The following SBF2 variants were observed in gnomAD, a reference collection of about 807,000 sequenced individuals.
SBF2 encodes SET binding factor 2, also known as myotubularin-related protein 13.
Under a neutral mutation model 225.2 loss-of-function variants are expected in SBF2, and 112 were observed. The ratio of observed to expected loss-of-function variants is 0.50; its 90% CI spans 0.43 to 0.58. SBF2 has a LOEUF of 0.58. Among genes scored for constraint, SBF2 ranks in the 20% least tolerant of loss-of-function variants. The pLI, the probability that SBF2 is intolerant of heterozygous loss-of-function variation, is 0.00. For synonymous variants in SBF2, 763 were observed against 773.3 expected (o/e 0.99, Z 0.22); for missense variants, 1,996 against 2,206.2 (o/e 0.90, Z 1.91).
chr11:9,956,477 G>C (rs1158676795), intron 16 of SBF2: 12 of 151,490 alleles, frequency 7.9e-5, no homozygotes, highest in African/African-American at 2.9e-4. Flanking sequence ...AGTGTAAAAG[G>C]CTCTGCTTAT....
intron 16 of SBF2, among the ~76,000 whole-genome samples, chr11:9,954,548 C>T (rs1214291234): frequency 6.6e-6 from 1 of 152,166 alleles, no homozygotes; most frequent in African/African-American, 2.4e-5. Context: ...ACAGCATGTG[C>T]TTGATGAAGC....
At chr11:9,824,082 G>A (rs1039622619) in intron 28 of SBF2, among the ~76,000 whole-genome samples, 4 of 152,184 alleles carry the variant, frequency 2.6e-5, no homozygotes, top group African/African-American at 9.7e-5. Flanking sequence ...CCTCAGATAT[G>A]CACATAGTGG....
chr11:10,010,745 T>C (rs1948417673), intron 6 of SBF2, among the ~76,000 whole-genome samples: 1 of 152,206 alleles, frequency 6.6e-6, no homozygotes, highest in Non-Finnish European at 1.5e-5. Context: ...TCATTTGAAA[T>C]TTAAAGTAGT....
At chr11:9,867,108 A>C (rs1858288406) in intron 17 of SBF2, among the ~76,000 whole-genome samples, 1 of 152,196 alleles carries the variant, frequency 6.6e-6, no homozygotes, top group South Asian at 2.1e-4. Flanking sequence ...TTGTACATTT[A>C]AAAATAACTA....
intron 13 of SBF2, among the ~76,000 whole-genome samples, chr11:9,982,129 A>G (rs573183067): frequency 4.5e-4 from 69 of 152,208 alleles, no homozygotes; most frequent in Middle Eastern, 3.4e-3. Flanking sequence ...GAATATTTTC[A>G]TCCTTGTGTT....
intron 3 of SBF2, among the ~76,000 whole-genome samples, chr11:10,038,478 C>T (rs1949530400): frequency 6.6e-6 from 1 of 151,898 alleles, no homozygotes; most frequent in South Asian, 2.1e-4. Context: ...TAGGTGTTAG[C>T]TCTTATTAAA....
At chr11:9,969,004 T>C (rs1867150294) in intron 13 of SBF2, among the ~76,000 whole-genome samples, 2 of 149,984 alleles carry the variant, frequency 1.3e-5, no homozygotes, top group Admixed American at 1.3e-4. Context: ...TAACTCTCTA[T>C]ACAATATTTT....
At chr11:10,133,340 T>C (rs56203621) in intron 2 of SBF2, among the ~76,000 whole-genome samples, 8,509 of 149,024 alleles carry the variant, frequency 0.057, 662 homozygotes, top group Middle Eastern at 0.15. Flanking sequence ...TGGGACTGGG[T>C]GCCGTGGAGC....
chr11:10,097,688 C>A (rs557707158), intron 2 of SBF2, among the ~76,000 whole-genome samples: 1 of 151,992 alleles, frequency 6.6e-6, no homozygotes, highest in Non-Finnish European at 1.5e-5. Flanking sequence ...ATGGCCAACA[C>A]CCCAGTAGAA....
chr11:10,222,992 C>T (rs979367219), intron 1 of SBF2, among the ~76,000 whole-genome samples: 4 of 152,014 alleles, frequency 2.6e-5, no homozygotes, highest in South Asian at 4.2e-4. Context: ...GACGTTTTAT[C>T]GGTAGATCTC....
rs556170612 is a variant in SBF2, at chr11:9,794,548, C to T, written c.4570+1283G>A. 9.9e-5 allele frequency among the ~76,000 whole-genome samples: 15 copies of T among 151,768 alleles called. No homozygotes were observed. In the East Asian group the frequency reaches 2.9e-3, roughly 29 times the overall value. ...GGCATGGTGGCACAGGCCTCTAATC[C>T]CAGCTACTAGGGAGGCTGAGGCAGG... On this transcript the variant is annotated intron_variant, in intron 33 of 39. Transcript: ENST00000256190.
chr11:9,998,831 T>C (rs1421026910), intron 8 of SBF2, among the ~76,000 whole-genome samples: 1 of 152,214 alleles, frequency 6.6e-6, no homozygotes, highest in African/African-American at 2.4e-5. Flanking sequence ...TAATGGAACA[T>C]CTCTATGGAC....
chr11:9,804,445 A>C (rs944442159), intron 32 of SBF2, among the ~76,000 whole-genome samples: 1 of 152,202 alleles, frequency 6.6e-6, no homozygotes, highest in African/African-American at 2.4e-5. Context: ...CTCCAGATTT[A>C]TTGAAGTGTT....
At chr11:10,047,544 T>G (rs1243114456) in intron 2 of SBF2, among the ~76,000 whole-genome samples, 1 of 152,172 alleles carries the variant, frequency 6.6e-6, no homozygotes, top group Non-Finnish European at 1.5e-5. Context: ...GACGTAAATG[T>G]TAGGTATTAT....
intron 2 of SBF2, among the ~76,000 whole-genome samples, chr11:10,133,305 C>T (rs1259756248): frequency 6.7e-6 from 1 of 149,610 alleles, no homozygotes; most frequent in Non-Finnish European, 1.5e-5. Context: ...CGTGTGCTCG[C>T]ATTCCTCAGC....
intron 17 of SBF2, among the ~76,000 whole-genome samples, chr11:9,890,874 C>T (rs920035747): frequency 6.6e-6 from 1 of 152,184 alleles, no homozygotes; most frequent in Non-Finnish European, 1.5e-5. Flanking sequence ...TGGCTCACAC[C>T]TGTAATCCCA....
intron 32 of SBF2, among the ~76,000 whole-genome samples, chr11:9,800,872 G>A (rs1259494880): frequency 1.3e-5 from 2 of 152,130 alleles, no homozygotes; most frequent in Non-Finnish European, 2.9e-5. Context: ...TGTAGAATCT[G>A]TAGTGACGTC....
At chr11:9,982,603 C>T (rs1418906881) in intron 13 of SBF2, among the ~76,000 whole-genome samples, 6 of 152,162 alleles carry the variant, frequency 3.9e-5, no homozygotes, top group African/African-American at 1.4e-4. Context: ...GACTAGATTG[C>T]AGCTCCAGAC....
intron 6 of SBF2, among the ~76,000 whole-genome samples, chr11:10,006,589 T>C (rs550975913): frequency 6.9e-4 from 105 of 152,290 alleles, no homozygotes; most frequent in South Asian, 1.4e-3. Context: ...AGTTCCTACA[T>C]CAAGCCCTAA....
Sources: allele counts gnomAD v4.1 joint callset (sites outside exome capture counted in the v4.1 genomes callset), GRCh38; gene constraint gnomAD v4.1.1; transcripts MANE v1.5; gene names NCBI Gene and HGNC (gene_info 2026-07-23, HGNC 2026-07-21).